PLXNA4: variants seen among roughly 807,000 people sequenced by gnomAD.
PLXNA4 encodes the protein plexin A4.
In PLXNA4, 44 loss-of-function variants were observed where a neutral mutation model predicts 191.8. The ratio of observed to expected loss-of-function variants is 0.23; its 90% CI spans 0.18 to 0.29. The LOEUF is 0.29. Ranked by LOEUF, PLXNA4 falls within the 10% of genes least tolerant of loss-of-function variation. The pLI is 1.00. For synonymous variants in PLXNA4, 1,082 were observed against 1,009.5 expected (o/e 1.07, Z -1.36); for missense variants, 1,800 against 2,488.8 (o/e 0.72, Z 5.89).
intron 3 of PLXNA4, among the ~76,000 whole-genome samples, chr7:132,373,043 C>G (rs1342589120): frequency 6.6e-6 from 1 of 152,134 alleles, no homozygotes. Flanking sequence ...GAGGGCTTAC[C>G]ATCCATTATC....
chr7:132,289,504 G>C (rs1216933713), intron 4 of PLXNA4, among the ~76,000 whole-genome samples: 1 of 152,110 alleles, frequency 6.6e-6, no homozygotes, highest in African/African-American at 2.4e-5. Context: ...AGGGAGCTTA[G>C]GGAATGCATC....
At chr7:132,192,736 A>C (rs986832021) in intron 14 of PLXNA4, among the ~76,000 whole-genome samples, 8 of 152,226 alleles carry the variant, frequency 5.3e-5, no homozygotes, top group Non-Finnish European at 1.0e-4. Flanking sequence ...TGAGAGGTTT[A>C]GTTTTTAAAA....
rs548996249 is a variant in PLXNA4, at chr7:132,419,453, GAC to G, written c.1371+69837_1371+69838del. Among the ~76,000 whole-genome samples, 227 of 152,222 alleles carry G rather than the reference GAC, an allele frequency of 1.5e-3. 1 individual carries two copies. Among genetic ancestry groups the G allele is most frequent in the African/African-American group, 5.2e-3 (217 of 41,504 alleles). On this transcript the variant is annotated intron_variant, in intron 3 of 31. Transcript: ENST00000321063. ...GGAGCTTTCCAACTTTTTTGATCAAGACCCATAAGTAAGATAAATAATTCAGC... is the reference window on the plus strand; with the variant it reads ...GGAGCTTTCCAACTTTTTTGATCAAGCCATAAGTAAGATAAATAATTCAGC...
At chr7:132,270,242 G>T (rs1424593) in intron 4 of PLXNA4, among the ~76,000 whole-genome samples, 98,120 of 152,086 alleles carry the variant, frequency 0.65, 33,814 homozygotes, top group African/African-American at 0.9. Context: ...GCCGTGCCTG[G>T]GACTCCTTAA....
intron 3 of PLXNA4, among the ~76,000 whole-genome samples, chr7:132,397,058 C>G (rs968115521): frequency 2.6e-5 from 4 of 152,224 alleles, no homozygotes; most frequent in Non-Finnish European, 4.4e-5. Flanking sequence ...TCACACCACC[C>G]GCATTCTCTG....
At chr7:132,640,745 C>T (rs552445039) in intron 2 of PLXNA4, among the ~76,000 whole-genome samples, 2 of 150,996 alleles carry the variant, frequency 1.3e-5, no homozygotes, top group South Asian at 4.2e-4. Flanking sequence ...CACTATTGAC[C>T]TTGTGACACA....
At chr7:132,291,944 G>A (rs1375295556) in intron 4 of PLXNA4, among the ~76,000 whole-genome samples, 1 of 152,176 alleles carries the variant, frequency 6.6e-6, no homozygotes, top group Admixed American at 6.5e-5. Context: ...ACAGGTGCAT[G>A]CCACCAGGCT....
intron 3 of PLXNA4, among the ~76,000 whole-genome samples, chr7:132,365,361 G>GTGTGTGTGCGCGCA (rs869294908): frequency 1.1e-5 from 1 of 91,736 alleles, no homozygotes; most frequent in Admixed American, 1.3e-4. Context: ...GTGTGTGTGT[G>GTGTGTGTGCGCGCA]CGTGCGCGCG....
chr7:132,436,265 C>G (rs1029431660), intron 3 of PLXNA4, among the ~76,000 whole-genome samples: 1 of 152,338 alleles, frequency 6.6e-6, no homozygotes, highest in East Asian at 1.9e-4. Flanking sequence ...CTGCACACTC[C>G]GTCCAACTCT....
chr7:132,250,522 C>T (rs949761748), intron 4 of PLXNA4, among the ~76,000 whole-genome samples: 6 of 152,188 alleles, frequency 3.9e-5, no homozygotes, highest in African/African-American at 1.4e-4. Context: ...AGGTTAAATC[C>T]TCTCCTTTCT....
At chr7:132,261,886 A>G (rs1799658387) in intron 4 of PLXNA4, among the ~76,000 whole-genome samples, 1 of 152,180 alleles carries the variant, frequency 6.6e-6, no homozygotes, top group South Asian at 2.1e-4. Context: ...GTGAGCACCT[A>G]CACACACAGT....
At chr7:132,322,574 G>A (rs1272433057) in intron 3 of PLXNA4, among the ~76,000 whole-genome samples, 1 of 152,174 alleles carries the variant, frequency 6.6e-6, no homozygotes, top group African/African-American at 2.4e-5. Context: ...CAGCAAGAAG[G>A]TAGCATGGCT....
intron 2 of PLXNA4, among the ~76,000 whole-genome samples, chr7:132,589,132 T>C (rs1236581474): frequency 6.6e-6 from 1 of 152,230 alleles, no homozygotes; most frequent in Non-Finnish European, 1.5e-5. Flanking sequence ...GTCACTATGC[T>C]GCAGATCAAA....
At chr7:132,471,807 C>T (rs1796945713) in intron 3 of PLXNA4, among the ~76,000 whole-genome samples, 1 of 152,170 alleles carries the variant, frequency 6.6e-6, no homozygotes, top group Admixed American at 6.5e-5. Context: ...CCAGCCACCT[C>T]GCTTTCCATA....
intron 3 of PLXNA4, among the ~76,000 whole-genome samples, chr7:132,433,861 G>C (rs1795367137): frequency 6.6e-6 from 1 of 152,146 alleles, no homozygotes; most frequent in South Asian, 2.1e-4. Flanking sequence ...ATTCCATTCA[G>C]TTGAGTAGGC....
At chr7:132,644,933 G>A (rs1337162749) in intron 2 of PLXNA4, among the ~76,000 whole-genome samples, 1 of 152,208 alleles carries the variant, frequency 6.6e-6, no homozygotes, top group Admixed American at 6.5e-5. Flanking sequence ...TACAGGTCAA[G>A]AGAGATGGGC....
chr7:132,362,585 T>A (rs991279194), intron 3 of PLXNA4, among the ~76,000 whole-genome samples: 1 of 152,176 alleles, frequency 6.6e-6, no homozygotes, highest in Admixed American at 6.5e-5. Flanking sequence ...GGGGTTGAAT[T>A]TTCACTTAGT....
At chr7:132,618,595 C>T (rs1256882193) in intron 2 of PLXNA4, among the ~76,000 whole-genome samples, 3 of 152,206 alleles carry the variant, frequency 2.0e-5, no homozygotes, top group Non-Finnish European at 2.9e-5. Flanking sequence ...GTTTTTCCTC[C>T]TTGTCCTCTA....
chr7:132,309,409 A>C (rs73157281), intron 3 of PLXNA4, among the ~76,000 whole-genome samples: 5,462 of 152,172 alleles, frequency 0.036, 154 homozygotes, highest in Middle Eastern at 0.058. Context: ...TGTCAGGCAC[A>C]GAGACGCAGG....
Sources: allele counts gnomAD v4.1 joint callset (sites outside exome capture counted in the v4.1 genomes callset), GRCh38; gene constraint gnomAD v4.1.1; transcripts MANE v1.5; gene names NCBI Gene and HGNC (gene_info 2026-07-23, HGNC 2026-07-21).